Variants in OOEP observed in about 807,000 individuals in gnomAD.
OOEP encodes oocyte expressed protein.
In OOEP, 16 loss-of-function variants were observed where a neutral mutation model predicts 13.7. That is an observed-to-expected ratio of 1.16 (90% CI 0.79 to 1.77). The LOEUF (loss-of-function observed/expected upper bound fraction) is 1.77. Among genes scored for constraint, OOEP ranks in the 40% most tolerant of loss-of-function variants. OOEP has a pLI of 0.00. For synonymous variants in OOEP, 89 were observed against 77.1 expected (o/e 1.15, Z -0.81); for missense variants, 195 against 193.1 (o/e 1.01, Z -0.06).
intron 2 of OOEP, among the ~76,000 whole-genome samples, chr6:73,387,379 TGGCA>T (rs1189907495): frequency 1.3e-5 from 2 of 151,896 alleles, no homozygotes; most frequent in Non-Finnish European, 2.9e-5. Context: ...CCGGGTGTGG[TGGCA>T]GGTGCCTTTA....
chr6:73,369,902 C>A, upstream of OOEP: 1 of 1,016,834 alleles, frequency 9.8e-7, no homozygotes. Context: ...CGCTCCGCCC[C>A]TTCCGGCGGC....
At chr6:73,370,368 C>T (rs1215169987), upstream of OOEP, among the ~76,000 whole-genome samples, 1 of 152,164 alleles carries the variant, frequency 6.6e-6, no homozygotes, top group Non-Finnish European at 1.5e-5. Flanking sequence ...CAGAGGTGGT[C>T]TTATAGAACA....
intron 2 of OOEP, among the ~76,000 whole-genome samples, chr6:73,384,894 G>A (rs906918428): frequency 2.0e-5 from 3 of 151,760 alleles, no homozygotes; most frequent in South Asian, 2.1e-4. Context: ...GTGCCACCAC[G>A]TCTGGGTAAT....
intron 2 of OOEP, among the ~76,000 whole-genome samples, chr6:73,387,295 G>A (rs1769287030): frequency 6.6e-6 from 1 of 151,982 alleles, no homozygotes; most frequent in Non-Finnish European, 1.5e-5. Context: ...GATAACTTGA[G>A]GTCAGGAGTT....
At chr6:73,383,767 A>G (rs1769236138) in intron 2 of OOEP, among the ~76,000 whole-genome samples, 1 of 152,228 alleles carries the variant, frequency 6.6e-6, no homozygotes, top group East Asian at 1.9e-4. Flanking sequence ...TTTAGATAGA[A>G]TAACCAAGGA....
upstream of OOEP, chr6:73,369,913 G>A (rs554569275): frequency 1.3e-5 from 11 of 873,598 alleles, no homozygotes; most frequent in South Asian, 1.8e-4. Context: ...TTCCGGCGGC[G>A]CCTCGCACCG....
chr6:73,379,718 G>T (rs1402553758), intron 2 of OOEP, among the ~76,000 whole-genome samples: 1 of 149,970 alleles, frequency 6.7e-6, no homozygotes, highest in Non-Finnish European at 1.5e-5. Flanking sequence ...ATAGACAACA[G>T]CTGGTTTCTC....
chr6:73,379,851 G>A (rs954681078), intron 2 of OOEP, among the ~76,000 whole-genome samples: 5 of 152,112 alleles, frequency 3.3e-5, no homozygotes, highest in Non-Finnish European at 7.4e-5. Flanking sequence ...AACTCTGAAA[G>A]TGCTGGGATT....
At chr6:73,373,355 C>CAAA, upstream of OOEP, 1 of 1,276,472 alleles carries the variant, frequency 7.8e-7, no homozygotes, top group Non-Finnish European at 1.1e-6. Context: ...GACAGGGTCT[C>CAAA]ACTCTGTCAC....
At chr6:73,393,751 G>A (rs939149599) in intron 2 of OOEP, among the ~76,000 whole-genome samples, 2 of 152,134 alleles carry the variant, frequency 1.3e-5, no homozygotes, top group East Asian at 1.9e-4. Context: ...CCAACAGGTC[G>A]AATCTGCAGT....
At chr6:73,388,418 G>A (rs1434502723) in intron 2 of OOEP, among the ~76,000 whole-genome samples, 1 of 152,114 alleles carries the variant, frequency 6.6e-6, no homozygotes, top group Non-Finnish European at 1.5e-5. Context: ...TTTATCTCTG[G>A]GTAATACTTT....
At chr6:73,393,057 A>C (rs1012877759) in intron 2 of OOEP, among the ~76,000 whole-genome samples, 1 of 151,616 alleles carries the variant, frequency 6.6e-6, no homozygotes, top group Non-Finnish European at 1.5e-5. Context: ...CATGAGCCAC[A>C]CCATGCCTGG....
exon 1 of OOEP, chr6:73,394,807 C>T: frequency 6.6e-7 from 1 of 1,525,584 alleles, no homozygotes; most frequent in East Asian, 2.3e-5. Flanking sequence ...CCTTAAGTAG[C>T]GGCTGCGTGG....
rs1203692754 is a variant in OOEP at position 73,381,226 on chromosome 6, AAAG to A, written c.26-11844_26-11842del. Among the ~76,000 whole-genome samples the A allele has an allele frequency of 1.5e-3, 157 of 105,308 alleles. 5 individuals carry two copies. Among genetic ancestry groups the A allele is most frequent in the African/African-American group, 1.9e-3 (53 of 28,042 alleles). 69.1% of individuals were successfully genotyped at this position (105,308 alleles called of 152,430 possible). A position where few individuals can be genotyped will look rare whatever the true frequency, so the allele number is the denominator to read the frequency against. Reference sequence around the variant, plus strand: ...GTGTTAAAAAAAAAAAAAAAAAAAAAAAGAAGAAGAAAAAGAAGAAGATGGAGT... The same window carrying A: ...GTGTTAAAAAAAAAAAAAAAAAAAAAAAGAAGAAAAAGAAGAAGATGGAGT... On this transcript the variant is annotated intron_variant, in intron 2 of 3. Coordinates refer to the OOEP transcript ENST00000370363.
chr6:73,379,657 A>AAAAAAAAAAAAAAG (rs1554233272), intron 2 of OOEP, among the ~76,000 whole-genome samples: 1 of 110,930 alleles, frequency 9.0e-6, no homozygotes, highest in African/African-American at 3.3e-5. Context: ...AAAAAAAAAA[A>AAAAAAAAAAAAAAG]AAAAGTGGCC....
chr6:73,369,420 C>A, intron 1 of OOEP, 35 bp from the exon 2 acceptor site: 1 of 1,585,632 alleles, frequency 6.3e-7, no homozygotes, highest in Non-Finnish European at 8.6e-7. Context: ...AGGGGCTGCA[C>A]GGTGGCAGGT....
At chr6:73,368,904 A>G (rs768355232) in intron 2 of OOEP, 41 bp from the exon 3 acceptor site, 1 of 1,488,090 alleles carries the variant, frequency 6.7e-7, no homozygotes, top group African/African-American at 1.4e-5. Context: ...GACAGGGACA[A>G]GTGTTTGCTG....
At chr6:73,370,115 C>T (rs1437669126), upstream of OOEP, 12 of 328,970 alleles carry the variant, frequency 3.6e-5, no homozygotes, top group East Asian at 6.1e-4. Context: ...CCTCTGCCCA[C>T]CTTATAGCTG....
At chr6:73,376,268 G>A (rs1221269079) in intron 2 of OOEP, among the ~76,000 whole-genome samples, 2 of 143,654 alleles carry the variant, frequency 1.4e-5, no homozygotes, top group African/African-American at 5.3e-5. Flanking sequence ...TTTTTCGTTT[G>A]TTTTTCTAAG....
Sources: gnomAD v4.1 joint callset for allele counts (sites outside exome capture counted in the v4.1 genomes callset) on GRCh38, gnomAD v4.1.1 for gene constraint, MANE v1.5 for transcripts, NCBI Gene and HGNC (gene_info 2026-07-23, HGNC 2026-07-21) for gene names.